Variants in XKR9 observed in about 807,000 individuals in gnomAD.
The protein encoded by XKR9 is XK-related protein 9.
Under a neutral mutation model 32.0 loss-of-function variants are expected in XKR9, and 32 were observed. That is an observed-to-expected ratio of 1.00 (90% CI 0.76 to 1.34). XKR9 has a LOEUF of 1.34. Ranked by LOEUF, XKR9 falls within the 40% of genes most tolerant of loss-of-function variation. XKR9 has a pLI of 0.00. For synonymous variants in XKR9, 168 were observed against 143.4 expected (o/e 1.17, Z -1.22); for missense variants, 546 against 429.7 (o/e 1.27, Z -2.39).
At chr8:70,696,751 T>C (rs1417800578) in intron 3 of XKR9, among the ~76,000 whole-genome samples, 1 of 151,262 alleles carries the variant, frequency 6.6e-6, no homozygotes, top group Non-Finnish European at 1.5e-5. Flanking sequence ...GGGATGACAT[T>C]GAATCTATAA....
the XKR9 span, among the ~76,000 whole-genome samples, chr8:70,811,212 G>A: frequency 6.6e-6 from 1 of 151,936 alleles, no homozygotes; most frequent in African/African-American, 2.4e-5. Context: ...ACGAAATGAA[G>A]GCAGACGTAA....
the XKR9 span, among the ~76,000 whole-genome samples, chr8:70,800,394 A>T: frequency 1.3e-5 from 2 of 151,856 alleles, no homozygotes; most frequent in East Asian, 3.9e-4. Flanking sequence ...GTTAGGGAGG[A>T]GTTGCTTTAC....
downstream of XKR9, among the ~76,000 whole-genome samples, chr8:70,740,443 C>T (rs62530857): frequency 0.33 from 49,904 of 151,786 alleles, 9,321 homozygotes; most frequent in Non-Finnish European, 0.43. Flanking sequence ...GTAGTTTGAT[C>T]ATCTGAAGCC....
At chr8:70,753,109 A>C (rs1346502777) in intron 2 of XKR9, among the ~76,000 whole-genome samples, 1 of 152,226 alleles carries the variant, frequency 6.6e-6, no homozygotes, top group Non-Finnish European at 1.5e-5. Context: ...CAGAAATACA[A>C]ACTACCATCA....
At chr8:70,857,993 A>G in the XKR9 span, among the ~76,000 whole-genome samples, 1 of 152,110 alleles carries the variant, frequency 6.6e-6, no homozygotes, top group African/African-American at 2.4e-5. Context: ...TCTAATGAAA[A>G]CCCACAGCCA....
At chr8:71,049,053 G>A in the XKR9 span, among the ~76,000 whole-genome samples, 1 of 152,174 alleles carries the variant, frequency 6.6e-6, no homozygotes, top group Non-Finnish European at 1.5e-5. Context: ...AAATGCAACT[G>A]TTCCATACAA....
At chr8:70,993,348 T>C in the XKR9 span, among the ~76,000 whole-genome samples, 1 of 152,122 alleles carries the variant, frequency 6.6e-6, no homozygotes, top group Non-Finnish European at 1.5e-5. Context: ...ACTCTTCTTG[T>C]TATTAGGTTT....
At chr8:70,672,597 A>G (rs1458917327) in intron 1 of XKR9, among the ~76,000 whole-genome samples, 1 of 151,984 alleles carries the variant, frequency 6.6e-6, no homozygotes, top group Non-Finnish European at 1.5e-5. Flanking sequence ...GCTAAATCAT[A>G]TGGTAGTTCT....
At chr8:70,726,062 TAAG>T (rs959870026) in intron 4 of XKR9, among the ~76,000 whole-genome samples, 37 of 152,322 alleles carry the variant, frequency 2.4e-4, no homozygotes, top group African/African-American at 8.4e-4. Context: ...TTTGAGGCAC[TAAG>T]AAGGACAAGG....
At chr8:70,976,002 C>T in the XKR9 span, among the ~76,000 whole-genome samples, 7 of 152,084 alleles carry the variant, frequency 4.6e-5, no homozygotes, top group Non-Finnish European at 8.8e-5. Context: ...CTCTTTGTAG[C>T]GATTGTGAAT....
At chr8:70,709,785 TAAAAG>T (rs1216642992) in intron 4 of XKR9, among the ~76,000 whole-genome samples, 1 of 152,124 alleles carries the variant, frequency 6.6e-6, no homozygotes, top group Non-Finnish European at 1.5e-5. Flanking sequence ...AAAACACTGT[TAAAAG>T]AAATCGGTGG....
chr8:70,781,694 T>C (rs763755798), intron 2 of XKR9, among the ~76,000 whole-genome samples: 13 of 152,278 alleles, frequency 8.5e-5, no homozygotes, highest in Non-Finnish European at 1.9e-4. Context: ...ATTACTGATG[T>C]TGAGCATTTT....
the XKR9 span, among the ~76,000 whole-genome samples, chr8:70,892,116 C>T: frequency 2.0e-5 from 3 of 152,100 alleles, no homozygotes; most frequent in African/African-American, 7.2e-5. Context: ...TATCTTTTTC[C>T]ATCCCTTTAC....
At chr8:70,938,972 CTT>C in the XKR9 span, among the ~76,000 whole-genome samples, 65 of 143,230 alleles carry the variant, frequency 4.5e-4, no homozygotes, top group Admixed American at 1.7e-3. Context: ...TAGAGGTGGG[CTT>C]TTTTTTTTTT....
chr8:71,016,063 T>C, the XKR9 span, among the ~76,000 whole-genome samples: 65,579 of 151,622 alleles, frequency 0.43, 15,225 homozygotes, highest in Non-Finnish European at 0.53. Context: ...CAATCCATTT[T>C]CCCCCCCGGT....
At chr8:70,927,399 G>T in the XKR9 span, among the ~76,000 whole-genome samples, 158 of 152,206 alleles carry the variant, frequency 1.0e-3, 1 homozygote, top group Middle Eastern at 6.8e-3. Flanking sequence ...TAGTCCATTT[G>T]TGCTGCCATA....
At chr8:70,844,797 T>C in the XKR9 span, among the ~76,000 whole-genome samples, 1 of 152,216 alleles carries the variant, frequency 6.6e-6, no homozygotes, top group East Asian at 1.9e-4. Flanking sequence ...CTGGCCTGCC[T>C]AGCCCATTGC....
At chr8:70,675,404 G>A (rs528656745) in intron 2 of XKR9, among the ~76,000 whole-genome samples, 2 of 152,294 alleles carry the variant, frequency 1.3e-5, no homozygotes, top group East Asian at 3.9e-4. Flanking sequence ...AATATCTTTA[G>A]CAAGTGGTTG....
At chr8:70,877,683 T>G in the XKR9 span, among the ~76,000 whole-genome samples, 4 of 152,172 alleles carry the variant, frequency 2.6e-5, no homozygotes, top group Non-Finnish European at 5.9e-5. Flanking sequence ...AATCTACATT[T>G]GATTGGTGTA....
Sources: allele counts gnomAD v4.1 joint callset (sites outside exome capture counted in the v4.1 genomes callset), GRCh38; gene constraint gnomAD v4.1.1; transcripts MANE v1.5; gene names NCBI Gene and HGNC (gene_info 2026-07-23, HGNC 2026-07-21).